Variants in GPR157 observed in about 807,000 individuals in gnomAD.
The protein encoded by GPR157 is G protein-coupled receptor 157.
Under a neutral mutation model 23.5 loss-of-function variants are expected in GPR157, and 16 were observed. The ratio of observed to expected loss-of-function variants is 0.68; its 90% CI spans 0.46 to 1.04. The LOEUF (loss-of-function observed/expected upper bound fraction) is 1.04, where lower values mean the gene tolerates loss of function less well. Among genes scored for constraint, GPR157 ranks in the 50% least tolerant of loss-of-function variants. GPR157 has a pLI of 0.00. For missense variants in GPR157, 440 were observed against 460.7 expected, an observed-to-expected ratio of 0.96 and a Z score of 0.41; for synonymous variants, 200 against 221.5, an observed-to-expected ratio of 0.90 and a Z score of 0.86.
At chr1:9,123,290 TAATATATATTTAATTTAAATATATATTAA>T (rs1638856050) in intron 1 of GPR157, among the ~76,000 whole-genome samples, 1 of 24,314 alleles carries the variant, frequency 4.1e-5, no homozygotes, top group Non-Finnish European at 9.7e-5. Flanking sequence ...ATATTTAAAT[TAATATATATTTAATTTAAATATATATTAA>T]AATATATATA....
intron 2 of GPR157, among the ~76,000 whole-genome samples, chr1:9,106,771 C>A (rs1638347825): frequency 6.6e-6 from 1 of 152,194 alleles, no homozygotes; most frequent in South Asian, 2.1e-4. Flanking sequence ...CGAGACCAGA[C>A]TGGCCAACAT....
intron 1 of GPR157, among the ~76,000 whole-genome samples, chr1:9,123,202 T>TTATA (rs1187768650): frequency 1.6e-5 from 2 of 128,218 alleles, no homozygotes; most frequent in Non-Finnish European, 3.2e-5. Context: ...TAAATAAAAT[T>TTATA]TATATATATA....
chr1:9,123,104 C>T (rs1301752191), intron 1 of GPR157, among the ~76,000 whole-genome samples: 3 of 145,522 alleles, frequency 2.1e-5, no homozygotes, highest in Admixed American at 7.1e-5. Context: ...TGCAGTGAGC[C>T]GAGAGATCGC....
At chr1:9,115,233 TACAC>T (rs370272290) in intron 1 of GPR157, among the ~76,000 whole-genome samples, 1 of 152,034 alleles carries the variant, frequency 6.6e-6, no homozygotes, top group South Asian at 2.1e-4. Flanking sequence ...TATGCATGTT[TACAC>T]ACACACACAT....
At position 9,105,653 on chromosome 1, in the gene GPR157, T is replaced by A; in HGVS notation, c.625A>T (p.Ile209Phe). The A allele has an allele frequency of 6.2e-7, 1 of 1,612,430 alleles. No homozygotes were observed. The highest frequency in any genetic ancestry group is 8.5e-7 in the Non-Finnish European group (1 of 1,179,428). Reference protein sequence around the residue: ...AHTALSEYRPILSQEHRLLRH... With the variant: ...AHTALSEYRPFLSQEHRLLRH... ...AGCAGGCGGTGCTCCTGGGAGAGGA[T>A]GGGCCGGTACTCAGAGAGTGCCGTG... The change falls in exon 3 of 4, where the codon ATC (isoleucine) becomes TTC (phenylalanine). Residue 209 changes from isoleucine to phenylalanine, a missense_variant. By Grantham distance (21) the Ile-to-Phe change is conservative. Coordinates refer to ENST00000377411, the MANE Select transcript of GPR157 (RefSeq NM_024980.5). This position sits in a 1 kb window ranked among gnomAD's most constrained non-coding sequence, Gnocchi z 4.8.
chr1:9,101,262 G>T lies in GPR157; in HGVS notation c.*3157C>A, dbSNP rs3004242. On this transcript the variant is annotated 3_prime_UTR_variant, in exon 4 of 4. Transcript: ENST00000377411. The stretch of plus-strand genomic sequence containing the variant: ...GTAGAAACAGGGTTTCACCATGTTG[G>T]CCAGGCTGGTCTCAAACTCCTGACC... 1 of 150,980 alleles carries T rather than the reference G, an allele frequency of 6.6e-6. No homozygotes were observed. Among genetic ancestry groups the T allele is most frequent in the Non-Finnish European group, 1.5e-5 (1 of 67,906 alleles). The allele number at this position is 150,980 out of a possible 1,614,324, so 9.4% of individuals were successfully genotyped here.
rs1638723075 is a variant in GPR157, at chr1:9,118,048, G to T, written c.384-6559C>A. On this transcript the variant is annotated intron_variant, in intron 1 of 3. Coordinates refer to ENST00000377411, the MANE Select transcript of GPR157 (RefSeq NM_024980.5). This position sits in a 1 kb window ranked among gnomAD's most constrained non-coding sequence, Gnocchi z 4.6. ...CCAATGGCTGGTGCTGTCTGCCTGT[G>T]AGTGGACATCTGCAGCTCACATTCT... Among the ~76,000 whole-genome samples the T allele has an allele frequency of 6.6e-6, 1 of 152,226 alleles. No homozygotes were observed. Among genetic ancestry groups the T allele is most frequent in the Non-Finnish European group, 1.5e-5 (1 of 68,046 alleles).
chr1:9,104,688 C>T (rs1196862420), intron 3 of GPR157, 54 bp from the exon 4 acceptor site: 1 of 1,344,626 alleles, frequency 7.4e-7, no homozygotes, highest in Non-Finnish European at 1.0e-6. Flanking sequence ...CTCAGAAACA[C>T]ACGCGCTGTT....
At position 9,128,205 on chromosome 1, in the gene GPR157, G is replaced by T; in HGVS notation, c.383+440C>A. 4.1e-5 allele frequency: 19 copies of T among 458,024 alleles called. No individual in the cohort carries two copies. The highest frequency in any genetic ancestry group is 3.1e-4 in the South Asian group (19 of 61,396). The allele number at this position is 458,024 out of a possible 1,614,324, so 28.4% of individuals were successfully genotyped here. The stretch of plus-strand genomic sequence containing the variant: ...TGGCGGAGTGCACCAAGCTCACTGT[G>T]GCTTGGGGTGGGGTGGTGGCGTGGG... On this transcript the variant is annotated intron_variant, in intron 1 of 3. Coordinates refer to ENST00000377411, the MANE Select transcript of GPR157 (RefSeq NM_024980.5). This position sits in a 1 kb window ranked among gnomAD's most constrained non-coding sequence, Gnocchi z 6.3.
At position 9,118,824 on chromosome 1, in the gene GPR157, G is replaced by A. The variant is rs922825683; in HGVS notation, c.384-7335C>T. On this transcript the variant is annotated intron_variant, in intron 1 of 3. Coordinates refer to ENST00000377411, the MANE Select transcript of GPR157 (RefSeq NM_024980.5). This position sits in a 1 kb window ranked among gnomAD's most constrained non-coding sequence, Gnocchi z 4.6. ...AGGCCAAAGGATCACTTGAACCCAG[G>A]AGAGTTTGAGACCAGCCTGGGCAAC... Among the ~76,000 whole-genome samples the A allele has an allele frequency of 2.0e-5, 3 of 152,070 alleles. No homozygotes were observed. Among genetic ancestry groups the A allele is most frequent in the African/African-American group, 7.2e-5 (3 of 41,406 alleles).
In GPR157 at chr1:9,100,818, TG is replaced by T. The variant is rs1642557915; in HGVS notation, c.*3600del. ...ATGTAACAGCCCCTCGCTTGAGATC[TG>T]ACTGGGCAACATGGCAAAACCTTGT... On this transcript the variant is annotated 3_prime_UTR_variant, in exon 4 of 4. Coordinates refer to ENST00000377411, the MANE Select transcript of GPR157 (RefSeq NM_024980.5). 1.4e-5 allele frequency: 1 copy of T among 70,918 alleles called. No homozygotes were observed. The highest frequency in any genetic ancestry group is 3.3e-5 in the Non-Finnish European group (1 of 30,010). The allele number at this position is 70,918 out of a possible 1,614,324, so 4.4% of individuals were successfully genotyped here.
rs1399799589 is a variant in GPR157, at chr1:9,128,609, G to A, written c.383+36C>T. ...AGACCGGGAGGGGTCGGCCTGTGTC[G>A]GGGGCTCCTGGAAAAGCAGCGCCAC... On this transcript the variant is annotated intron_variant, in intron 1 of 3. Transcript: ENST00000377411. This position sits in a 1 kb window ranked among gnomAD's most constrained non-coding sequence, Gnocchi z 6.3. 2 of 1,598,384 alleles carry A rather than the reference G, an allele frequency of 1.3e-6. No individual in the cohort carries two copies. The highest frequency in any genetic ancestry group is 1.3e-5 in the African/African-American group (1 of 74,740).
intron 2 of GPR157, among the ~76,000 whole-genome samples, chr1:9,108,176 C>T (rs1638389479): frequency 6.6e-6 from 1 of 152,156 alleles, no homozygotes; most frequent in African/African-American, 2.4e-5. Context: ...ATTCTGCCAG[C>T]ACCTGGTGTC....
chr1:9,105,634 C>A lies in GPR157; in HGVS notation c.644G>T (p.Arg215Leu). The A allele has an allele frequency of 6.2e-7, 1 of 1,612,968 alleles. No individual in the cohort carries two copies. The highest frequency in any genetic ancestry group is 1.3e-5 in the African/African-American group (1 of 75,028). ...EYRPILSQEH[R>L]LLRHSSMADK... is the part of the protein sequence containing the mutation. ...CGCCATGGAGGAGTGGCGCAGCAGG[C>A]GGTGCTCCTGGGAGAGGATGGGCCG... is the stretch of plus-strand genomic sequence containing the variant. Residue 215 changes from arginine to leucine, a missense_variant, in exon 3 of 4, where the codon CGC becomes CTC. Arg to Leu is a moderately radical substitution (Grantham distance 102). Coordinates refer to ENST00000377411, the MANE Select transcript of GPR157 (RefSeq NM_024980.5). This position sits in a 1 kb window ranked among gnomAD's most constrained non-coding sequence, Gnocchi z 4.8.
intron 1 of GPR157, among the ~76,000 whole-genome samples, chr1:9,121,560 A>T (rs900648987): frequency 1.3e-5 from 2 of 152,048 alleles, no homozygotes; most frequent in South Asian, 4.1e-4. Context: ...GAATGGCTTG[A>T]ACCCAGGAAG....
chr1:9,128,585 G>T lies in GPR157; in HGVS notation c.383+60C>A. On this transcript the variant is annotated intron_variant, in intron 1 of 3. Coordinates refer to ENST00000377411, the MANE Select transcript of GPR157 (RefSeq NM_024980.5). The surrounding 1 kb of genome is among the most constrained non-coding windows in gnomAD (Gnocchi z 6.3). Reference sequence around the variant, plus strand: ...CTAGACGCGGCCTCTGGGAGGGCAAGACCGGGAGGGGTCGGCCTGTGTCGG... The same window carrying T: ...CTAGACGCGGCCTCTGGGAGGGCAATACCGGGAGGGGTCGGCCTGTGTCGG... 2 of 1,534,518 alleles carry T rather than the reference G, an allele frequency of 1.3e-6. No individual in the cohort carries two copies. Among genetic ancestry groups the T allele is most frequent in the South Asian group, 2.3e-5 (2 of 87,756 alleles).
rs534311893 is a variant in GPR157, at chr1:9,129,017, G to A, written c.11C>T (p.Ser4Phe). 3.1e-6 allele frequency: 4 copies of A among 1,304,298 alleles called. No individual in the cohort carries two copies. Among genetic ancestry groups the A allele is most frequent in the South Asian group, 4.5e-5 (2 of 44,556 alleles). 80.8% of individuals were successfully genotyped at this position (1,304,298 alleles called of 1,614,324 possible). A position where few individuals can be genotyped will look rare whatever the true frequency, so the allele number is the denominator to read the frequency against. Residue 4 changes from serine (S) to phenylalanine (F), a missense_variant, in exon 1 of 4, where the codon TCC (serine) becomes TTC (phenylalanine). Ser to Phe is a radical substitution (Grantham distance 155). Transcript: ENST00000377411. The part of the protein sequence containing the change: MQP[S>F]PPPTELVPSE... Reference sequence around the variant, plus strand: ...CGGCACCAGCTCGGTGGGCGGCGGGGACGGCTGCATGGCGTGGGGGGCCAG... The same window carrying A: ...CGGCACCAGCTCGGTGGGCGGCGGGAACGGCTGCATGGCGTGGGGGGCCAG...
intron 1 of GPR157, among the ~76,000 whole-genome samples, chr1:9,121,734 GC>G (rs1371205929): frequency 6.6e-6 from 1 of 152,154 alleles, no homozygotes; most frequent in Non-Finnish European, 1.5e-5. Context: ...ACTTCCCACT[GC>G]CCCCAGAGCA....
At position 9,105,728 on chromosome 1, in the gene GPR157, G is replaced by A. The variant is rs1251965992; in HGVS notation, c.598-48C>T. ...GACTTGAGTGGATAGGCACCCTCCC[G>A]CCACGTCCACCCAGGCTGCCCAGGT... On this transcript the variant is annotated intron_variant, in intron 2 of 3. Coordinates refer to ENST00000377411, the MANE Select transcript of GPR157 (RefSeq NM_024980.5). The surrounding 1 kb of genome is among the most constrained non-coding windows in gnomAD (Gnocchi z 4.8). The A allele has an allele frequency of 3.3e-6, 5 of 1,505,420 alleles. No individual in the cohort carries two copies. Among genetic ancestry groups the A allele is most frequent in the Non-Finnish European group, 4.5e-6 (5 of 1,111,146 alleles). 93.3% of individuals were successfully genotyped at this position (1,505,420 alleles called of 1,614,324 possible).
Sources: gnomAD v4.1 joint callset for allele counts (sites outside exome capture counted in the v4.1 genomes callset) on GRCh38, gnomAD v4.1.1 for gene constraint, Gnocchi (gnomAD v3.1) non-coding constraint, MANE v1.5 for transcripts, NCBI Gene and HGNC (gene_info 2026-07-23, HGNC 2026-07-21) for gene names.